Variants in IMPG2 observed in about 807,000 individuals in gnomAD.
IMPG2 encodes interphotoreceptor matrix proteoglycan 2.
Under a neutral mutation model 129.2 loss-of-function variants are expected in IMPG2, and 91 were observed. That is an observed-to-expected ratio of 0.70 (90% CI 0.59 to 0.84). IMPG2 has a LOEUF of 0.84. Ranked by LOEUF, IMPG2 falls within the 40% of genes least tolerant of loss-of-function variation. IMPG2 has a pLI of 0.00. For synonymous variants in IMPG2, 510 were observed against 517.7 expected, an observed-to-expected ratio of 0.99 and a Z score of 0.20; for missense variants, 1,430 against 1,461.7, an observed-to-expected ratio of 0.98 and a Z score of 0.35.
chr3:101,228,711 A>G lies in IMPG2; in HGVS notation c.3713+86T>C, dbSNP rs776268815. On this transcript the variant is annotated intron_variant, in intron 18 of 18. Coordinates refer to ENST00000193391, the MANE Select transcript of IMPG2 (RefSeq NM_016247.4). ...GAGACTCCTGTCACATGGACAGGAAATTATGTGCTCACTCAGGTGTGACAT... is the reference window on the plus strand; with the variant it reads ...GAGACTCCTGTCACATGGACAGGAAGTTATGTGCTCACTCAGGTGTGACAT... The G allele has an allele frequency of 5.2e-4, 554 of 1,069,388 alleles. 1 individual carries two copies. The highest frequency in any genetic ancestry group is 6.5e-4 in the Non-Finnish European group (447 of 686,046). The allele number at this position is 1,069,388 out of a possible 1,614,324, so 66.2% of individuals were successfully genotyped here.
chr3:101,250,420 G>C (rs1706531319), intron 11 of IMPG2, among the ~76,000 whole-genome samples: 1 of 152,104 alleles, frequency 6.6e-6, no homozygotes, highest in African/African-American at 2.4e-5. Flanking sequence ...TTGGGAAGAG[G>C]GGCTGAGCAT....
chr3:101,229,300 A>ACCCCCCCCCCCCCCCCCCCGGGGC, intron 17 of IMPG2, 80 bp downstream of exon 17: 4 of 859,118 alleles, frequency 4.7e-6, no homozygotes, highest in East Asian at 2.9e-5. Context: ...ACTCATACAC[A>ACCCCCCCCCCCCCCCCCCCGGGGC]CCCCCACCCA....
Position 101,236,014 on chromosome 3 carries a change from C to T in IMPG2, c.3023-3023G>A, listed in dbSNP as rs191219369. Among the ~76,000 whole-genome samples the T allele has an allele frequency of 9.6e-4, 146 of 152,244 alleles. 1 individual carries two copies. Among genetic ancestry groups the T allele is most frequent in the Middle Eastern group, 3.4e-3 (1 of 294 alleles). On this transcript the variant is annotated intron_variant, in intron 14 of 18. Transcript: ENST00000193391. ...TAACTAATATTTTTAAGCCATCTGC[C>T]GTGCTGAGATAAAGCCTTCTCCATT...
intron 9 of IMPG2, among the ~76,000 whole-genome samples, chr3:101,263,978 T>C (rs1203427465): frequency 6.6e-6 from 1 of 151,470 alleles, no homozygotes; most frequent in Non-Finnish European, 1.5e-5. Context: ...CATATGCCAA[T>C]AAATTTGAAA....
In IMPG2 at chr3:101,319,686, T is replaced by C; in HGVS notation, c.232A>G (p.Arg78Gly). ...RRETERQWLI[R>G]RRRSILFPNG... ...GGAAACAGAATAGATCTCCGCCTTC[T>C]GATTAACCACTGTCTTTCAGTTTCT... Residue 78 changes from arginine to glycine, a missense_variant, in exon 2 of 19, where the codon AGA (arginine) becomes GGA (glycine). Physicochemically the swap from Arg to Gly is moderately radical, Grantham distance 125. Transcript: ENST00000193391. 6.2e-7 allele frequency: 1 copy of C among 1,613,780 alleles called. No individual in the cohort carries two copies. The highest frequency in any genetic ancestry group is 8.5e-7 in the Non-Finnish European group (1 of 1,179,842).
intron 4 of IMPG2, among the ~76,000 whole-genome samples, chr3:101,280,592 CAG>C (rs746770040): frequency 9.2e-5 from 14 of 152,034 alleles, no homozygotes; most frequent in Non-Finnish European, 1.9e-4. Flanking sequence ...AAATATAAAA[CAG>C]GGGTTAATGG....
At chr3:101,272,444 T>C (rs555194634) in intron 7 of IMPG2, among the ~76,000 whole-genome samples, 25 of 152,320 alleles carry the variant, frequency 1.6e-4, no homozygotes, top group African/African-American at 5.1e-4. Context: ...CCTCAATAGC[T>C]ACCTACCTCA....
At chr3:101,294,343 T>C (rs550332588) in intron 3 of IMPG2, among the ~76,000 whole-genome samples, 4 of 152,008 alleles carry the variant, frequency 2.6e-5, no homozygotes, top group African/African-American at 7.2e-5. Context: ...ACATGCAGTG[T>C]TTGGTTTTCT....
At chr3:101,278,648 G>A (rs1421465713) in intron 4 of IMPG2, among the ~76,000 whole-genome samples, 1 of 151,742 alleles carries the variant, frequency 6.6e-6, no homozygotes, top group East Asian at 1.9e-4. Context: ...GGTAAATTAG[G>A]GGCATGTTTT....
In IMPG2 at chr3:101,244,164, T is replaced by G. The variant is rs1253234480; in HGVS notation, c.2167A>C (p.Ile723Leu). ...GCAGAGATTGCTACAGATGTCAGTA[T>G]AAGAGGTGCTTTGGTAACTGAGTAA... ...DDYSVTKAPL[I>L]LTSVAISAST... Residue 723 changes from isoleucine to leucine, a missense_variant, in exon 13 of 19, where the codon ATA becomes CTA. Coordinates refer to ENST00000193391, the MANE Select transcript of IMPG2 (RefSeq NM_016247.4). 6.2e-7 allele frequency: 1 copy of G among 1,613,992 alleles called. No individual in the cohort carries two copies. Among genetic ancestry groups the G allele is most frequent in the African/African-American group, 1.3e-5 (1 of 74,940 alleles).
chr3:101,312,155 C>A (rs970486319), intron 2 of IMPG2, among the ~76,000 whole-genome samples: 5 of 151,810 alleles, frequency 3.3e-5, no homozygotes, highest in African/African-American at 1.2e-4. Flanking sequence ...GTTATGACAC[C>A]AAAGGCTCAA....
chr3:101,239,356 A>T (rs1706381497), intron 14 of IMPG2, among the ~76,000 whole-genome samples: 2 of 152,238 alleles, frequency 1.3e-5, no homozygotes, highest in African/African-American at 4.8e-5. Flanking sequence ...AGTGGTCATT[A>T]CAGAAATGCA....
Position 101,269,576 on chromosome 3 carries a change from G to T in IMPG2, c.829-3C>A. The T allele has an allele frequency of 6.4e-7, 1 of 1,553,824 alleles. No individual in the cohort carries two copies. Among genetic ancestry groups the T allele is most frequent in the Non-Finnish European group, 8.9e-7 (1 of 1,125,918 alleles). The stretch of plus-strand genomic sequence containing the variant: ...AACCCAGTAAATGCATTTTCAACCT[G>T]TTAAAAGTACAAATAAAAATGATAA... On this transcript the variant is annotated splice_region_variant and splice_polypyrimidine_tract_variant and intron_variant, in intron 7 of 18. Coordinates refer to ENST00000193391, the MANE Select transcript of IMPG2 (RefSeq NM_016247.4).
At chr3:101,298,098 T>C (rs1019035745) in intron 3 of IMPG2, among the ~76,000 whole-genome samples, 5 of 152,252 alleles carry the variant, frequency 3.3e-5, no homozygotes, top group African/African-American at 4.8e-5. Flanking sequence ...TGGGTGCATA[T>C]ATATTTAGGA....
At chr3:101,256,558 G>T (rs898722877) in intron 10 of IMPG2, among the ~76,000 whole-genome samples, 28 of 151,770 alleles carry the variant, frequency 1.8e-4, no homozygotes, top group African/African-American at 6.5e-4. Flanking sequence ...AGCCTCTCTG[G>T]CTTCTCTATT....
chr3:101,230,804 AC>A (rs553162401), intron 16 of IMPG2, among the ~76,000 whole-genome samples, 152 bp downstream of exon 16: 213 of 152,252 alleles, frequency 1.4e-3, no homozygotes, highest in South Asian at 0.014. Flanking sequence ...TCAATTTGAC[AC>A]CCCTTTGAGG....
intron 4 of IMPG2, among the ~76,000 whole-genome samples, chr3:101,290,332 C>T (rs1444729497): frequency 1.3e-5 from 2 of 151,958 alleles, no homozygotes; most frequent in East Asian, 1.9e-4. Flanking sequence ...CATAGCAAAA[C>T]CCTGTTTCTA....
intron 11 of IMPG2, among the ~76,000 whole-genome samples, chr3:101,248,312 T>C (rs904758347): frequency 2.0e-5 from 3 of 152,210 alleles, no homozygotes; most frequent in African/African-American, 7.2e-5. Flanking sequence ...AGCTCATCTC[T>C]TGTCTAACAC....
In IMPG2 at chr3:101,244,086, G is replaced by C; in HGVS notation, c.2245C>G (p.Gln749Glu). Residue 749 changes from glutamine to glutamate, a missense_variant, in exon 13 of 19, where the codon CAA (glutamine) becomes GAA (glutamate). By Grantham distance (29) the Gln-to-Glu change is conservative. Transcript: ENST00000193391. ...TCATAGTTGGATGACTCAGTAATTT[G>C]TTCCATATCCTCCCTTAGGATGGCA... ...ADAILREDME[Q>E]ITESSNYEWF... The C allele has an allele frequency of 6.2e-7, 1 of 1,613,950 alleles. No homozygotes were observed. Among genetic ancestry groups the C allele is most frequent in the Non-Finnish European group, 8.5e-7 (1 of 1,180,016 alleles).
Sources: gnomAD v4.1 joint callset for allele counts (sites outside exome capture counted in the v4.1 genomes callset) on GRCh38, gnomAD v4.1.1 for gene constraint, MANE v1.5 for transcripts, NCBI Gene and HGNC (gene_info 2026-07-23, HGNC 2026-07-21) for gene names.